Variants in NR5A2 observed in about 807,000 individuals in gnomAD.
NR5A2 encodes the protein nuclear receptor subfamily 5 group A member 2.
A neutral mutation model predicts 62.7 loss-of-function variants in NR5A2; 26 were observed. The observed-to-expected ratio is 0.41, with a 90% CI of 0.30 to 0.58. The LOEUF (loss-of-function observed/expected upper bound fraction) is 0.58, where lower values mean the gene tolerates loss of function less well. Ranked by LOEUF, NR5A2 falls within the 20% of genes least tolerant of loss-of-function variation. The probability of loss-of-function intolerance (pLI) is 0.22; values close to 1 mark genes in which losing one functional copy is unlikely to be tolerated. For missense variants in NR5A2, 541 were observed against 669.1 expected (o/e 0.81, Z 2.11); for synonymous variants, 246 against 241.7 (o/e 1.02, Z -0.16).
chr1:200,087,947 C>T (rs1473327574), intron 5 of NR5A2, among the ~76,000 whole-genome samples: 5 of 152,030 alleles, frequency 3.3e-5, no homozygotes, highest in Non-Finnish European at 7.4e-5. Context: ...GATGGAGTTT[C>T]ACCATGTTGG....
At position 200,048,752 on chromosome 1, in the gene NR5A2, G is replaced by A. The variant is rs1177311683; in HGVS notation, c.1044G>A (p.Met348Ile). The A allele has an allele frequency of 1.2e-6, 2 of 1,614,174 alleles. No homozygotes were observed. The highest frequency in any genetic ancestry group is 2.7e-5 in the African/African-American group (2 of 75,052). The change falls in exon 5 of 8, where the codon ATG (methionine) becomes ATA (isoleucine). Residue 348 changes from methionine (M) to isoleucine (I), a missense_variant. Physicochemically the swap from Met to Ile is conservative, Grantham distance 10. Coordinates refer to ENST00000367362, the MANE Select transcript of NR5A2 (RefSeq NM_205860.3). The surrounding 1 kb of genome is among the most constrained non-coding windows in gnomAD (Gnocchi z 4.8). ...GCACCTTTGGGCTTATGTGCAAAAT[G>A]GCAGATCAAACTCTCTTCTCCATTG... Reference protein sequence around the residue: ...KLSTFGLMCKMADQTLFSIVE... With the variant: ...KLSTFGLMCKIADQTLFSIVE...
chr1:200,139,349 T>C (rs548060855), intron 7 of NR5A2, among the ~76,000 whole-genome samples: 2 of 152,372 alleles, frequency 1.3e-5, no homozygotes, highest in South Asian at 2.1e-4. Flanking sequence ...TTTGCTTTTC[T>C]GGATTCCATT....
chr1:200,073,346 T>TTA (rs1415325711), intron 5 of NR5A2, among the ~76,000 whole-genome samples: 3 of 54,616 alleles, frequency 5.5e-5, no homozygotes, highest in Non-Finnish European at 1.2e-4. Context: ...ATATTCCCCT[T>TTA]TATATATATA....
At chr1:200,087,825 C>T (rs1664626583) in intron 5 of NR5A2, among the ~76,000 whole-genome samples, 1 of 150,662 alleles carries the variant, frequency 6.6e-6, no homozygotes, top group Non-Finnish European at 1.5e-5. Flanking sequence ...GATCTCGGAT[C>T]ACTGCAACCT....
At chr1:200,118,264 A>C (rs998152488) in intron 6 of NR5A2, among the ~76,000 whole-genome samples, 14 of 149,186 alleles carry the variant, frequency 9.4e-5, no homozygotes, top group Admixed American at 6.7e-4. Context: ...TGATCCACCC[A>C]CCTCGGCCTC....
intron 7 of NR5A2, among the ~76,000 whole-genome samples, chr1:200,156,230 G>A (rs1653377979): frequency 6.6e-6 from 1 of 152,180 alleles, no homozygotes; most frequent in South Asian, 2.1e-4. Flanking sequence ...TCTGTAGGGG[G>A]CATAGGAGTG....
rs747865292 is a variant in NR5A2, at chr1:200,112,963, A to ATAT, written c.1230+1644_1230+1646dup. Among the ~76,000 whole-genome samples the ATAT allele has an allele frequency of 5.3e-5, 8 of 152,324 alleles. No homozygotes were observed. In the East Asian group the frequency reaches 1.5e-3, roughly 29 times the overall value. On this transcript the variant is annotated intron_variant, in intron 6 of 7. Coordinates refer to ENST00000367362, the MANE Select transcript of NR5A2 (RefSeq NM_205860.3). ...GCACTTCCATTCCTGCTCTTTAGAA[A>ATAT]TATTTCTTATTTCACATTTCATTTT...
rs1665102524 is a variant in NR5A2, at chr1:200,096,403, ACACT to A, written c.1111-14796_1111-14793del. On this transcript the variant is annotated intron_variant, in intron 5 of 7. Transcript: ENST00000367362. The stretch of plus-strand genomic sequence containing the variant: ...GTGCCTGGCCTGTGCTGCCTTCCTG[ACACT>A]CAAACACAACAGGGTATGAGTTGTA... 2.0e-5 allele frequency among the ~76,000 whole-genome samples: 3 copies of A among 152,224 alleles called. No individual in the cohort carries two copies. The South Asian group carries it at 6.2e-4, about 32-fold the overall frequency.
At position 200,176,686 on chromosome 1, in the gene NR5A2, C is replaced by T. The variant is rs892188470; in HGVS notation, c.*2476C>T. The T allele has an allele frequency of 2.6e-5, 4 of 151,928 alleles. No individual in the cohort carries two copies. The highest frequency in any genetic ancestry group is 1.3e-4 in the Admixed American group (2 of 15,218). 9.4% of individuals were successfully genotyped at this position (151,928 alleles called of 1,614,324 possible). A position where few individuals can be genotyped will look rare whatever the true frequency, so the allele number is the denominator to read the frequency against. On this transcript the variant is annotated 3_prime_UTR_variant, in exon 8 of 8. Transcript: ENST00000367362. ...TTATTTTATTTTTTATTTTAAGAGGCGGGATCTTGATCTCACATGTTGCCC... is the reference window on the plus strand; with the variant it reads ...TTATTTTATTTTTTATTTTAAGAGGTGGGATCTTGATCTCACATGTTGCCC...
Position 200,151,335 on chromosome 1 carries a change from T to C in NR5A2, c.1379-22628T>C, listed in dbSNP as rs183206359. On this transcript the variant is annotated intron_variant, in intron 7 of 7. Transcript: ENST00000367362. ...CAATTCTTAAGATTATGCCATGATT[T>C]ACTGTCAGAGCATCATGTATTCTGA... 2.7e-3 allele frequency among the ~76,000 whole-genome samples: 411 copies of C among 152,346 alleles called. 1 individual carries two copies. The highest frequency in any genetic ancestry group is 4.4e-3 in the Non-Finnish European group (296 of 68,032).
At position 200,177,080 on chromosome 1, in the gene NR5A2, C is replaced by T. The variant is rs1445313853; in HGVS notation, c.*2870C>T. 6.6e-6 allele frequency: 1 copy of T among 152,340 alleles called. No homozygotes were observed. The highest frequency in any genetic ancestry group is 6.5e-5 in the Admixed American group (1 of 15,286). The allele number at this position is 152,340 out of a possible 1,614,324, so 9.4% of individuals were successfully genotyped here. A position where few individuals can be genotyped will look rare whatever the true frequency, so the allele number is the denominator to read the frequency against. ...TGTTGATTGTTAGCCGATTTGTAAC[C>T]TGGCATTTACTTAGCAACTGCCTTA... On this transcript the variant is annotated 3_prime_UTR_variant, in exon 8 of 8. Coordinates refer to ENST00000367362, the MANE Select transcript of NR5A2 (RefSeq NM_205860.3).
rs548293785 is a variant in NR5A2, at chr1:200,050,560, T to G, written c.1110+1742T>G. On this transcript the variant is annotated intron_variant, in intron 5 of 7. Coordinates refer to ENST00000367362, the MANE Select transcript of NR5A2 (RefSeq NM_205860.3). ...CACCCAGTACCGGGAGTCTGGCATATACTACATACTCAGTAAAGTGTGGTG... is the reference window on the plus strand; with the variant it reads ...CACCCAGTACCGGGAGTCTGGCATAGACTACATACTCAGTAAAGTGTGGTG... Among the ~76,000 whole-genome samples the G allele has an allele frequency of 2.6e-3, 390 of 152,290 alleles. 1 individual carries two copies. The highest frequency in any genetic ancestry group is 8.9e-3 in the African/African-American group (370 of 41,576).
intron 7 of NR5A2, among the ~76,000 whole-genome samples, chr1:200,127,157 C>G (rs929806613): frequency 6.6e-6 from 1 of 152,266 alleles, no homozygotes; most frequent in Non-Finnish European, 1.5e-5. Context: ...AGGTCTAGAA[C>G]TAATAACCCC....
rs201001808 is a variant in NR5A2 at position 200,053,567 on chromosome 1, A to ACGCG, written c.1110+4752_1110+4753insGCGC. Among the ~76,000 whole-genome samples the ACGCG allele has an allele frequency of 2.7e-4, 29 of 108,498 alleles. 1 individual carries two copies. Among genetic ancestry groups the ACGCG allele is most frequent in the African/African-American group, 6.0e-4 (17 of 28,376 alleles). The allele number at this position is 108,498 out of a possible 152,430, so 71.2% of individuals were successfully genotyped here. On this transcript the variant is annotated intron_variant, in intron 5 of 7. Coordinates refer to ENST00000367362, the MANE Select transcript of NR5A2 (RefSeq NM_205860.3). ...TTCCCTCATCCCCCCCAGCATGCAC[A>ACGCG]CGCACACACACACACACACACACAC... is the stretch of plus-strand genomic sequence containing the variant.
chr1:200,040,804 C>T (rs1418788005), intron 2 of NR5A2, among the ~76,000 whole-genome samples: 1 of 152,248 alleles, frequency 6.6e-6, no homozygotes, highest in East Asian at 1.9e-4. Flanking sequence ...GTGGGCGGCG[C>T]GCCCGGGCGC....
intron 7 of NR5A2, among the ~76,000 whole-genome samples, chr1:200,132,705 T>G (rs919353399): frequency 1.3e-5 from 2 of 152,186 alleles, no homozygotes; most frequent in Non-Finnish European, 2.9e-5. Flanking sequence ...CAAGTAAGAA[T>G]GCCATGTGCT....
intron 5 of NR5A2, among the ~76,000 whole-genome samples, chr1:200,050,253 TAATC>T (rs1009142957): frequency 6.6e-6 from 1 of 152,238 alleles, no homozygotes; most frequent in Non-Finnish European, 1.5e-5. Flanking sequence ...ACTGTGTCCT[TAATC>T]AAACAGGTAA....
chr1:200,140,727 T>C (rs1667406646), intron 7 of NR5A2, among the ~76,000 whole-genome samples: 1 of 152,140 alleles, frequency 6.6e-6, no homozygotes, highest in South Asian at 2.1e-4. Context: ...CACATAACTA[T>C]CCTCAATCTA....
chr1:200,096,538 G>C (rs577725994), intron 5 of NR5A2, among the ~76,000 whole-genome samples: 7 of 152,272 alleles, frequency 4.6e-5, no homozygotes, highest in Admixed American at 3.9e-4. Flanking sequence ...CTGTTGGTCA[G>C]TTCAATTAAA....
Sources: allele counts gnomAD v4.1 joint callset (sites outside exome capture counted in the v4.1 genomes callset), GRCh38; gene constraint gnomAD v4.1.1; non-coding constraint Gnocchi (gnomAD v3.1); transcripts MANE v1.5; gene names NCBI Gene and HGNC (gene_info 2026-07-23, HGNC 2026-07-21).